SP140: variants seen among roughly 807,000 people sequenced by gnomAD.
SP140 encodes the protein nuclear body protein SP140.
A neutral mutation model predicts 125.0 loss-of-function variants in SP140; 81 were observed. The ratio of observed to expected loss-of-function variants is 0.65; its 90% CI spans 0.54 to 0.78. SP140 has a LOEUF of 0.78. Ranked by LOEUF, SP140 falls within the 30% of genes least tolerant of loss-of-function variation. SP140 has a pLI of 0.00. For synonymous variants in SP140, 312 were observed against 354.0 expected (o/e 0.88, Z 1.33); for missense variants, 858 against 1,037.0 (o/e 0.83, Z 2.37).
At chr2:230,212,552 C>T in intron 1 of SP140, 1 of 1,053,718 alleles carries the variant, frequency 9.5e-7, no homozygotes, top group Non-Finnish European at 1.5e-6. Context: ...TTGGAATGTC[C>T]CGGGAGTGGG....
At chr2:230,287,618 G>A (rs1156964078) in intron 17 of SP140, among the ~76,000 whole-genome samples, 1 of 152,070 alleles carries the variant, frequency 6.6e-6, no homozygotes, top group Non-Finnish European at 1.5e-5. Flanking sequence ...TCAAAATATG[G>A]AATGAAGCAT....
At chr2:230,244,727 A>C (rs1350853257) in intron 5 of SP140, among the ~76,000 whole-genome samples, 1 of 152,170 alleles carries the variant, frequency 6.6e-6, no homozygotes, top group Admixed American at 6.6e-5. Context: ...AGGGAATCCC[A>C]GGGAGTCAAG....
intron 17 of SP140, among the ~76,000 whole-genome samples, 160 bp downstream of exon 17, chr2:230,285,992 T>C (rs553765904): frequency 4.6e-5 from 7 of 152,336 alleles, no homozygotes; most frequent in South Asian, 2.1e-4. Context: ...AAGCAGGGGT[T>C]GTAAGTTGAT....
At chr2:230,307,964 T>C in intron 22 of SP140, among the ~76,000 whole-genome samples, 1 of 67,854 alleles carries the variant, frequency 1.5e-5, no homozygotes, top group South Asian at 6.7e-4. Context: ...TGTATATATA[T>C]ATATATATAT....
chr2:230,225,638 C>T (rs2046220841), upstream of SP140: 2 of 624,442 alleles, frequency 3.2e-6, no homozygotes, highest in African/African-American at 1.8e-5. Flanking sequence ...GCTGGCTCTG[C>T]TCCTCCTCCC....
At chr2:230,199,243 C>G (rs1168589219), upstream of SP140, among the ~76,000 whole-genome samples, 7 of 123,472 alleles carry the variant, frequency 5.7e-5, no homozygotes, top group Non-Finnish European at 1.1e-4. Context: ...GAGTCTCACT[C>G]TGTCACCTAG....
At chr2:230,309,888 G>C in intron 22 of SP140, 36 bp from the exon 23 acceptor site, 2 of 1,609,438 alleles carry the variant, frequency 1.2e-6, no homozygotes, top group Non-Finnish European at 1.7e-6. Context: ...TGAATCTTGC[G>C]GTTCCCAGTG....
chr2:230,223,427 C>T (rs1435694804), upstream of SP140, among the ~76,000 whole-genome samples: 1 of 152,188 alleles, frequency 6.6e-6, no homozygotes. Flanking sequence ...CCTGCCTGGA[C>T]TGCCTACTTT....
Position 230,253,358 on chromosome 2 carries a change from A to T in SP140, c.1100A>T (p.Gln367Leu). The T allele has an allele frequency of 6.2e-7, 1 of 1,612,662 alleles. No homozygotes were observed. Among genetic ancestry groups the T allele is most frequent in the South Asian group, 1.1e-5 (1 of 91,060 alleles). ...SAETFDLKTP[Q>L]VTNEGEPEKE... ...GAGACCTTTGATCTAAAGACTCCCCAAGTCACTAATGAAGGAGAACCAGAG... is the reference window on the plus strand; with the variant it reads ...GAGACCTTTGATCTAAAGACTCCCCTAGTCACTAATGAAGGAGAACCAGAG... Residue 367 changes from glutamine to leucine, a missense_variant, in exon 11 of 27, where the codon CAA becomes CTA. Coordinates refer to ENST00000392045, the MANE Select transcript of SP140 (RefSeq NM_007237.5).
intron 4 of SP140, among the ~76,000 whole-genome samples, 155 bp from the exon 5 acceptor site, chr2:230,243,576 T>C (rs1016968834): frequency 6.6e-5 from 10 of 152,200 alleles, no homozygotes; most frequent in African/African-American, 2.4e-4. Flanking sequence ...CTGGTGAAGG[T>C]TACTGAAGGA....
At chr2:230,200,947 G>A (rs775810248), upstream of SP140, 3 of 1,613,330 alleles carry the variant, frequency 1.9e-6, no homozygotes, top group Admixed American at 1.7e-5. Flanking sequence ...ATTCATTTCT[G>A]AAGTGCCATC....
At chr2:230,261,711 C>A (rs1039574839) in intron 12 of SP140, among the ~76,000 whole-genome samples, 17 of 152,068 alleles carry the variant, frequency 1.1e-4, no homozygotes, top group African/African-American at 4.1e-4. Context: ...TTGAAATGAT[C>A]ATGTGATTTT....
chr2:230,258,625 C>A (rs1175703808), intron 12 of SP140, among the ~76,000 whole-genome samples: 1 of 152,164 alleles, frequency 6.6e-6, no homozygotes, highest in African/African-American at 2.4e-5. Context: ...TTTCCATTTA[C>A]AAAATACAGT....
Position 230,211,418 on chromosome 2 carries a change from T to C in SP140, c.-322-2236T>C. 2 of 1,152,294 alleles carry C rather than the reference T, an allele frequency of 1.7e-6. No individual in the cohort carries two copies. The highest frequency in any genetic ancestry group is 3.0e-5 in the African/African-American group (2 of 66,038). The allele number at this position is 1,152,294 out of a possible 1,614,324, so 71.4% of individuals were successfully genotyped here. A position where few individuals can be genotyped will look rare whatever the true frequency, so the allele number is the denominator to read the frequency against. On this transcript the variant is annotated intron_variant, in intron 1 of 4. Coordinates refer to the SP140 transcript ENST00000456542. This position sits in a 1 kb window ranked among gnomAD's most constrained non-coding sequence, Gnocchi z 4.2. ...AGAAGATCCGAATGGCTTTTCCTCTTAGTAAACACAGAAACAAAGGCAAGC... is the reference window on the plus strand; with the variant it reads ...AGAAGATCCGAATGGCTTTTCCTCTCAGTAAACACAGAAACAAAGGCAAGC...
chr2:230,240,699 C>T (rs939805890), intron 3 of SP140, among the ~76,000 whole-genome samples: 1 of 152,150 alleles, frequency 6.6e-6, no homozygotes, highest in African/African-American at 2.4e-5. Flanking sequence ...ACCTCCCATC[C>T]CTTGCTGGTA....
chr2:230,193,400 T>C, the SP140 span, among the ~76,000 whole-genome samples: 2 of 152,236 alleles, frequency 1.3e-5, no homozygotes, highest in Non-Finnish European at 2.9e-5. Context: ...ATCATGTTAA[T>C]TGTTACCTAC....
At chr2:230,308,903 C>A (rs1392528844) in intron 22 of SP140, among the ~76,000 whole-genome samples, 1 of 152,180 alleles carries the variant, frequency 6.6e-6, no homozygotes, top group African/African-American at 2.4e-5. Context: ...TTCACTTGAA[C>A]GGCAAAGGGC....
chr2:230,307,930 A>G (rs2058919637), intron 22 of SP140, among the ~76,000 whole-genome samples: 1 of 139,086 alleles, frequency 7.2e-6, no homozygotes, highest in Admixed American at 7.4e-5. Context: ...AAAAAGTTAT[A>G]TGAAAAAGAC....
At chr2:230,220,857 A>G (rs551494511), upstream of SP140, among the ~76,000 whole-genome samples, 16 of 152,210 alleles carry the variant, frequency 1.1e-4, no homozygotes, top group South Asian at 1.5e-3. Context: ...TAAAAAAATA[A>G]AAAATTAACT....
Sources: allele counts gnomAD v4.1 joint callset (sites outside exome capture counted in the v4.1 genomes callset), GRCh38; gene constraint gnomAD v4.1.1; non-coding constraint Gnocchi (gnomAD v3.1); transcripts MANE v1.5; gene names NCBI Gene and HGNC (gene_info 2026-07-23, HGNC 2026-07-21).